Variants in RAP1GAP2 observed in about 807,000 individuals in gnomAD.
The protein encoded by RAP1GAP2 is RAP1 GTPase activating protein 2.
A neutral mutation model predicts 95.0 loss-of-function variants in RAP1GAP2; 27 were observed. The ratio of observed to expected loss-of-function variants is 0.28; its 90% CI spans 0.21 to 0.39. The LOEUF (loss-of-function observed/expected upper bound fraction) is 0.39. Among genes scored for constraint, RAP1GAP2 ranks in the 10% least tolerant of loss-of-function variants. RAP1GAP2 has a pLI of 1.00. For missense variants in RAP1GAP2, 771 were observed against 970.0 expected (o/e 0.79, Z 2.72); for synonymous variants, 373 against 380.9 (o/e 0.98, Z 0.24).
rs753861727 is a variant in RAP1GAP2 at position 2,957,761 on chromosome 17, G to T, written c.168G>T (p.Ser56=). 1 of 1,607,514 alleles carries T rather than the reference G, an allele frequency of 6.2e-7. No individual in the cohort carries two copies. The highest frequency in any genetic ancestry group is 8.5e-7 in the Non-Finnish European group (1 of 1,176,740). The change falls in exon 4 of 25, where the codon TCG becomes TCT. Residue 56 remains serine (S), a splice_region_variant and synonymous_variant. Transcript: ENST00000254695. ...GTCCCCCTGCTTTTGTCTTTCAGTCGTCGGAGTTCTTTGAGATGCTGGAGA... is the reference window on the plus strand; with the variant it reads ...GTCCCCCTGCTTTTGTCTTTCAGTCTTCGGAGTTCTTTGAGATGCTGGAGA... The part of the protein sequence containing the change: ...PPLTAPPTMK[S]SEFFEMLEKM...
chr17:2,847,412 C>T (rs756817), intron 2 of RAP1GAP2, among the ~76,000 whole-genome samples: 11,183 of 150,450 alleles, frequency 0.074, 704 homozygotes, highest in African/African-American at 0.16. Context: ...AACAAAAAGT[C>T]TTGCTACCCA....
At chr17:2,875,247 A>G (rs2073043559) in intron 2 of RAP1GAP2, among the ~76,000 whole-genome samples, 1 of 152,032 alleles carries the variant, frequency 6.6e-6, no homozygotes, top group Non-Finnish European at 1.5e-5. Context: ...TTGTGTTTTT[A>G]GTAGAGATGG....
chr17:2,863,993 A>T (rs2072519387), intron 2 of RAP1GAP2, among the ~76,000 whole-genome samples: 1 of 151,978 alleles, frequency 6.6e-6, no homozygotes, highest in African/African-American at 2.4e-5. Flanking sequence ...CGGAGGTTGC[A>T]GTGAGCCGAG....
At chr17:2,971,470 C>T (rs765630924) in intron 8 of RAP1GAP2, among the ~76,000 whole-genome samples, 25 of 152,096 alleles carry the variant, frequency 1.6e-4, no homozygotes, top group Non-Finnish European at 1.2e-4. Context: ...TGTGTTGGCT[C>T]ATGCCTGTAA....
chr17:3,026,219 T>C, intron 20 of RAP1GAP2, 98 bp downstream of exon 20: 1 of 1,301,616 alleles, frequency 7.7e-7, no homozygotes, highest in Admixed American at 2.0e-5. Context: ...ATCTCCTGCC[T>C]CTGGAACTCT....
Position 3,005,328 on chromosome 17 carries a change from C to T in RAP1GAP2, c.1201-41C>T. 2 of 1,586,428 alleles carry T rather than the reference C, an allele frequency of 1.3e-6. No individual in the cohort carries two copies. The highest frequency in any genetic ancestry group is 1.1e-5 in the South Asian group (1 of 90,536). On this transcript the variant is annotated intron_variant, in intron 14 of 24. Transcript: ENST00000254695. This position sits in a 1 kb window ranked among gnomAD's most constrained non-coding sequence, Gnocchi z 5.2. ...TGGCTCCCGTAGGGGCAGCGCTCGTCTCTTCCCTCCAGGTCCGTACCATGA... is the reference window on the plus strand; with the variant it reads ...TGGCTCCCGTAGGGGCAGCGCTCGTTTCTTCCCTCCAGGTCCGTACCATGA...
rs888932386 is a variant in RAP1GAP2 at position 2,857,384 on chromosome 17, A to C, written c.81-47900A>C. 7.2e-5 allele frequency among the ~76,000 whole-genome samples: 11 copies of C among 152,180 alleles called. No homozygotes were observed. The East Asian group carries it at 2.1e-3, about 29-fold the overall frequency. On this transcript the variant is annotated intron_variant, in intron 2 of 24. Coordinates refer to ENST00000254695, the MANE Select transcript of RAP1GAP2 (RefSeq NM_015085.5). The surrounding 1 kb of genome is among the most constrained non-coding windows in gnomAD (Gnocchi z 4.0). ...AGGGTAGTCATGAGACAGATGTCCC[A>C]TATAGTCCCAGAACTAGGAGACTCC...
At chr17:2,885,962 AG>A (rs1490853713) in intron 2 of RAP1GAP2, among the ~76,000 whole-genome samples, 13 of 152,142 alleles carry the variant, frequency 8.5e-5, no homozygotes, top group Non-Finnish European at 1.6e-4. Flanking sequence ...GCCTTTTCTC[AG>A]CCCTGATTCC....
Position 2,965,408 on chromosome 17 carries a change from G to A in RAP1GAP2, c.493-132G>A, listed in dbSNP as rs111338708. 4.2e-6 allele frequency: 3 copies of A among 711,390 alleles called. No individual in the cohort carries two copies. In the African/African-American group the frequency reaches 5.3e-5, roughly 13 times the overall value. The allele number at this position is 711,390 out of a possible 1,614,324, so 44.1% of individuals were successfully genotyped here. Reference sequence around the variant, plus strand: ...GCCGTCGGTACCTGTTAATGTCGTTGTCATTGTCATCAGTAGCATCCTTCT... The same window carrying A: ...GCCGTCGGTACCTGTTAATGTCGTTATCATTGTCATCAGTAGCATCCTTCT... On this transcript the variant is annotated intron_variant, in intron 7 of 24. Transcript: ENST00000254695. The surrounding 1 kb of genome is among the most constrained non-coding windows in gnomAD (Gnocchi z 4.7).
At chr17:3,023,732 C>T (rs1365088897) in intron 19 of RAP1GAP2, among the ~76,000 whole-genome samples, 1 of 152,132 alleles carries the variant, frequency 6.6e-6, no homozygotes, top group Non-Finnish European at 1.5e-5. Flanking sequence ...TGGTTTGCTG[C>T]ACCCATCAAC....
At chr17:2,984,124 G>A (rs2045469363) in intron 10 of RAP1GAP2, among the ~76,000 whole-genome samples, 1 of 152,180 alleles carries the variant, frequency 6.6e-6, no homozygotes, top group African/African-American at 2.4e-5. Flanking sequence ...GCTGAGGCAG[G>A]CGGATCACAA....
chr17:2,916,602 T>G (rs919296809), intron 3 of RAP1GAP2, among the ~76,000 whole-genome samples: 10 of 152,162 alleles, frequency 6.6e-5, no homozygotes, highest in Admixed American at 1.3e-4. Flanking sequence ...GGTCGCTTCA[T>G]CTCCGTGACC....
chr17:2,905,527 C>T (rs911992751), intron 3 of RAP1GAP2, among the ~76,000 whole-genome samples, 159 bp downstream of exon 3: 17 of 152,064 alleles, frequency 1.1e-4, no homozygotes, highest in South Asian at 2.1e-4. Context: ...AGCACCAGTG[C>T]GGGGGAAGCA....
Position 2,874,743 on chromosome 17 carries a change from C to T in RAP1GAP2, c.81-30541C>T, listed in dbSNP as rs577671950. Among the ~76,000 whole-genome samples, 190 of 152,276 alleles carry T rather than the reference C, an allele frequency of 1.2e-3. 2 individuals are homozygous for T. The highest frequency in any genetic ancestry group is 3.6e-3 in the African/African-American group (149 of 41,552). ...AAAGCCCCAAACCCTTGAAACCCCA[C>T]GTTTAGCTTGCGAGCTCTCTGCTCT... On this transcript the variant is annotated intron_variant, in intron 2 of 24. Coordinates refer to ENST00000254695, the MANE Select transcript of RAP1GAP2 (RefSeq NM_015085.5).
At chr17:2,909,498 A>G (rs75349873) in intron 3 of RAP1GAP2, among the ~76,000 whole-genome samples, 1,529 of 152,254 alleles carry the variant, frequency 0.01, 16 homozygotes, top group African/African-American at 0.035. Flanking sequence ...GGAGTGAGGC[A>G]GGGGTGCTCA....
At chr17:2,844,497 C>T (rs2041512956) in intron 2 of RAP1GAP2, among the ~76,000 whole-genome samples, 1 of 152,170 alleles carries the variant, frequency 6.6e-6, no homozygotes. Context: ...GGTGGAAAAG[C>T]CCCAGAAAGC....
chr17:2,757,513 A>G, intron 1 of RAP1GAP2, among the ~76,000 whole-genome samples: 1 of 152,072 alleles, frequency 6.6e-6, no homozygotes, highest in Non-Finnish European at 1.5e-5. Context: ...GCCCGACCAC[A>G]GCGCCTGGCT....
Position 3,034,407 on chromosome 17 carries a change from G to T in RAP1GAP2, c.*1046G>T, listed in dbSNP as rs754525224. The T allele has an allele frequency of 1.5e-4, 36 of 234,688 alleles. No individual in the cohort carries two copies. Among genetic ancestry groups the T allele is most frequent in the Non-Finnish European group, 2.8e-4 (32 of 114,082 alleles). 14.5% of individuals were successfully genotyped at this position (234,688 alleles called of 1,614,324 possible). Reference sequence around the variant, plus strand: ...CACTTACTCGAGGAGAGAGGTGAGGGGGGGATGACTTGCGGGTTCTGATCA... The same window carrying T: ...CACTTACTCGAGGAGAGAGGTGAGGTGGGGATGACTTGCGGGTTCTGATCA... On this transcript the variant is annotated 3_prime_UTR_variant, in exon 25 of 25. Transcript: ENST00000254695. The surrounding 1 kb of genome is among the most constrained non-coding windows in gnomAD (Gnocchi z 5.1).
upstream of RAP1GAP2, among the ~76,000 whole-genome samples, chr17:2,793,830 G>A (rs1428743451): frequency 1.3e-5 from 2 of 152,176 alleles, no homozygotes; most frequent in African/African-American, 2.4e-5. Flanking sequence ...GCCGGGTGTG[G>A]TGGCTCCCGC....
Sources: gnomAD v4.1 joint callset for allele counts (sites outside exome capture counted in the v4.1 genomes callset) on GRCh38, gnomAD v4.1.1 for gene constraint, Gnocchi (gnomAD v3.1) non-coding constraint, MANE v1.5 for transcripts, NCBI Gene and HGNC (gene_info 2026-07-23, HGNC 2026-07-21) for gene names.